The following RGS7 variants were observed in gnomAD, a reference collection of about 807,000 sequenced individuals.
RGS7 encodes the protein regulator of G-protein signaling 7.
In RGS7, 27 loss-of-function variants were observed where a neutral mutation model predicts 81.1. The ratio of observed to expected loss-of-function variants is 0.33; its 90% confidence interval spans 0.25 to 0.46. The LOEUF (loss-of-function observed/expected upper bound fraction) is 0.46, where lower values mean the gene tolerates loss of function less well. Ranked by LOEUF, RGS7 falls within the 20% of genes least tolerant of loss-of-function variation. RGS7 has a pLI of 1.00. For missense variants in RGS7, 396 were observed against 607.4 expected (o/e 0.65, Z 3.66); for synonymous variants, 208 against 207.7 (o/e 1.00, Z -0.01).
intron 2 of RGS7, among the ~76,000 whole-genome samples, chr1:241,218,383 G>A (rs1483215958): frequency 1.3e-5 from 2 of 152,178 alleles, no homozygotes; most frequent in South Asian, 2.1e-4. Flanking sequence ...GAAGGTGAGT[G>A]CATTTCCCTA....
chr1:241,071,053 A>T (rs2062410269), intron 3 of RGS7, among the ~76,000 whole-genome samples: 1 of 152,164 alleles, frequency 6.6e-6, no homozygotes, highest in Non-Finnish European at 1.5e-5. Flanking sequence ...TTTTCTATAA[A>T]AACCTAGCTT....
chr1:240,972,928 G>T (rs1683481596), intron 4 of RGS7, among the ~76,000 whole-genome samples: 1 of 151,078 alleles, frequency 6.6e-6, no homozygotes, highest in South Asian at 2.1e-4. Context: ...ACATGCCTGT[G>T]GTCCCAGCTA....
chr1:240,900,160 G>A (rs902948203), intron 6 of RGS7, among the ~76,000 whole-genome samples: 22 of 152,156 alleles, frequency 1.4e-4, no homozygotes, highest in Admixed American at 7.9e-4. Context: ...TCTTCTCTAC[G>A]CTGTTTATTC....
At chr1:240,841,504 A>G (rs1426621436) in intron 9 of RGS7, among the ~76,000 whole-genome samples, 2 of 152,202 alleles carry the variant, frequency 1.3e-5, no homozygotes, top group East Asian at 1.9e-4. Context: ...AAAAACCTGG[A>G]TTCAAGATAT....
At chr1:241,226,234 CAAAT>C (rs1010784174) in intron 2 of RGS7, among the ~76,000 whole-genome samples, 6 of 152,138 alleles carry the variant, frequency 3.9e-5, no homozygotes, top group African/African-American at 1.4e-4. Flanking sequence ...GTGAAAAACA[CAAAT>C]AAAATGTCCG....
intron 2 of RGS7, among the ~76,000 whole-genome samples, chr1:241,251,702 G>A (rs1171029065): frequency 6.6e-6 from 1 of 151,916 alleles, no homozygotes; most frequent in Admixed American, 6.6e-5. Flanking sequence ...TAGAGACGGG[G>A]TTTCATCACC....
intron 3 of RGS7, among the ~76,000 whole-genome samples, chr1:241,045,109 C>T (rs952608287): frequency 5.9e-5 from 9 of 152,094 alleles, no homozygotes; most frequent in African/African-American, 1.7e-4. Context: ...CTTAAATTAT[C>T]GTCTCATCTT....
At chr1:241,217,151 T>A (rs1034161638) in intron 2 of RGS7, among the ~76,000 whole-genome samples, 1 of 152,102 alleles carries the variant, frequency 6.6e-6, no homozygotes, top group African/African-American at 2.4e-5. Context: ...TCCAATAGGA[T>A]TGGTGTCCTT....
chr1:240,947,463 A>G (rs768396339), intron 4 of RGS7, among the ~76,000 whole-genome samples: 32 of 152,272 alleles, frequency 2.1e-4, no homozygotes, highest in South Asian at 6.2e-4. Context: ...ACCTGAGTTA[A>G]TATCAGTGAC....
intron 2 of RGS7, among the ~76,000 whole-genome samples, chr1:241,136,686 T>C (rs976033529): frequency 4.6e-5 from 7 of 152,232 alleles, no homozygotes; most frequent in African/African-American, 1.7e-4. Flanking sequence ...ATTACGTGTT[T>C]TGTTCCTACC....
chr1:240,933,168 C>T (rs974988782), intron 5 of RGS7, among the ~76,000 whole-genome samples: 1 of 151,744 alleles, frequency 6.6e-6, no homozygotes, highest in Non-Finnish European at 1.5e-5. Flanking sequence ...AGGTGTGAGC[C>T]ACCGCGCCCG....
intron 2 of RGS7, among the ~76,000 whole-genome samples, chr1:241,175,216 G>T (rs1487668967): frequency 1.3e-5 from 2 of 152,084 alleles, no homozygotes; most frequent in Admixed American, 1.3e-4. Flanking sequence ...GAAAATCTTA[G>T]AAGGGAGATA....
chr1:240,917,717 A>C (rs1672827886), intron 6 of RGS7, among the ~76,000 whole-genome samples: 1 of 152,222 alleles, frequency 6.6e-6, no homozygotes. Flanking sequence ...AAACTAATAT[A>C]AAACAGTTAT....
chr1:240,982,993 G>A lies in RGS7; in HGVS notation c.226+86C>T, dbSNP rs528347109. The A allele has an allele frequency of 7.6e-5, 56 of 741,506 alleles. 1 individual carries two copies. Among genetic ancestry groups the A allele is most frequent in the South Asian group, 1.9e-4 (12 of 63,406 alleles). 45.9% of individuals were successfully genotyped at this position (741,506 alleles called of 1,614,324 possible). ...ATAATTTTTCAGGAGGTTTGCTTGCGTGCCATATTAAAATATCCCTGATGA... is the reference window on the plus strand; with the variant it reads ...ATAATTTTTCAGGAGGTTTGCTTGCATGCCATATTAAAATATCCCTGATGA... On this transcript the variant is annotated intron_variant, in intron 4 of 18. Coordinates refer to ENST00000440928, the MANE Select transcript of RGS7 (RefSeq NM_001364886.1).
At chr1:240,938,973 C>T (rs1165644031) in intron 4 of RGS7, among the ~76,000 whole-genome samples, 3 of 152,108 alleles carry the variant, frequency 2.0e-5, no homozygotes, top group Non-Finnish European at 4.4e-5. Flanking sequence ...GTGGAAAGAA[C>T]AAGAACTTTG....
At chr1:240,912,757 A>C (rs1671980573) in intron 6 of RGS7, among the ~76,000 whole-genome samples, 1 of 151,950 alleles carries the variant, frequency 6.6e-6, no homozygotes, top group Non-Finnish European at 1.5e-5. Context: ...AAATATATAT[A>C]TTTACATTTG....
intron 4 of RGS7, among the ~76,000 whole-genome samples, chr1:240,958,207 G>C (rs77529099): frequency 6.6e-6 from 1 of 152,136 alleles, no homozygotes; most frequent in Non-Finnish European, 1.5e-5. Flanking sequence ...CTTTGCACAG[G>C]TTTAAGTGGG....
At chr1:241,354,515 C>T (rs181122524) in intron 2 of RGS7, among the ~76,000 whole-genome samples, 5 of 152,260 alleles carry the variant, frequency 3.3e-5, no homozygotes, top group Admixed American at 3.3e-4. Flanking sequence ...TGTACCAGGA[C>T]GCCTGTGCAT....
At chr1:241,143,572 C>T (rs1346657954) in intron 2 of RGS7, among the ~76,000 whole-genome samples, 6 of 152,118 alleles carry the variant, frequency 3.9e-5, no homozygotes, top group Non-Finnish European at 7.3e-5. Context: ...AAAGACCTGC[C>T]CCCATGATTC....
Sources: allele counts gnomAD v4.1 joint callset (sites outside exome capture counted in the v4.1 genomes callset), GRCh38; gene constraint gnomAD v4.1.1; transcripts MANE v1.5; gene names NCBI Gene and HGNC (gene_info 2026-07-23, HGNC 2026-07-21).